Variants in CDK6 observed in about 807,000 individuals in gnomAD.
CDK6 encodes the protein cyclin dependent kinase 6.
A neutral mutation model predicts 37.1 loss-of-function variants in CDK6; 6 were observed. The ratio of observed to expected loss-of-function variants is 0.16; its 90% CI spans 0.09 to 0.32. CDK6 has a LOEUF of 0.32. CDK6 is among the 10% of genes least tolerant of loss of function. The probability of loss-of-function intolerance (pLI) is 1.00; values close to 1 mark genes in which losing one functional copy is unlikely to be tolerated. For missense variants in CDK6, 224 were observed against 418.9 expected, an observed-to-expected ratio of 0.53 and a Z score of 4.06; for synonymous variants, 160 against 161.3, an observed-to-expected ratio of 0.99 and a Z score of 0.06.
intron 1 of CDK6, among the ~76,000 whole-genome samples, chr7:92,836,032 G>A (rs1041953295): frequency 7.9e-5 from 12 of 152,172 alleles, no homozygotes; most frequent in Admixed American, 3.3e-4. Flanking sequence ...AGTTTTCGAG[G>A]GGGAAATGCA....
intron 2 of CDK6, among the ~76,000 whole-genome samples, chr7:92,817,389 A>G (rs1360446165): frequency 3.3e-5 from 5 of 151,956 alleles, no homozygotes; most frequent in African/African-American, 1.2e-4. Flanking sequence ...GCACAATAAC[A>G]GAGTTTTTAA....
At chr7:92,665,267 TCATCCATC>T (rs3831549) in intron 5 of CDK6, among the ~76,000 whole-genome samples, 78 of 150,824 alleles carry the variant, frequency 5.2e-4, no homozygotes, top group African/African-American at 1.1e-3. Context: ...AACCATCCAA[TCATCCATC>T]CATCCATCCA....
At chr7:92,627,096 T>C (rs868443920) in intron 5 of CDK6, among the ~76,000 whole-genome samples, 1 of 151,970 alleles carries the variant, frequency 6.6e-6, no homozygotes, top group African/African-American at 2.4e-5. Context: ...ATAAACAGAA[T>C]GTGGTATGGA....
At chr7:92,675,426 G>T (rs563612159) in intron 4 of CDK6, among the ~76,000 whole-genome samples, 1 of 152,224 alleles carries the variant, frequency 6.6e-6, no homozygotes, top group South Asian at 2.1e-4. Flanking sequence ...TACATTAACA[G>T]ATTTCCCAAT....
intron 2 of CDK6, among the ~76,000 whole-genome samples, chr7:92,823,516 A>G (rs1285188503): frequency 6.6e-6 from 1 of 151,460 alleles, no homozygotes; most frequent in Non-Finnish European, 1.5e-5. Context: ...GGGAACTTAC[A>G]TAATTTGAAT....
At chr7:92,813,596 A>T (rs372070840) in intron 2 of CDK6, among the ~76,000 whole-genome samples, 1 of 152,348 alleles carries the variant, frequency 6.6e-6, no homozygotes, top group East Asian at 1.9e-4. Context: ...ATAGCGATAG[A>T]ATTGTGTCCT....
intron 4 of CDK6, among the ~76,000 whole-genome samples, chr7:92,684,727 C>T (rs559142719): frequency 6.6e-6 from 1 of 152,222 alleles, no homozygotes; most frequent in South Asian, 2.1e-4. Flanking sequence ...AAAAAGGGTG[C>T]CTTCTTGTTT....
intron 4 of CDK6, among the ~76,000 whole-genome samples, chr7:92,677,047 G>A (rs986187460): frequency 6.6e-6 from 1 of 151,572 alleles, no homozygotes; most frequent in African/African-American, 2.4e-5. Context: ...CATTTAATAA[G>A]TTCAATGAAA....
At chr7:92,718,438 G>C (rs538198816) in intron 4 of CDK6, among the ~76,000 whole-genome samples, 2 of 152,324 alleles carry the variant, frequency 1.3e-5, no homozygotes, top group South Asian at 4.1e-4. Context: ...AACCCTGCCA[G>C]GTCTCCATAG....
At chr7:92,702,830 T>C (rs1000430727) in intron 4 of CDK6, among the ~76,000 whole-genome samples, 3 of 152,082 alleles carry the variant, frequency 2.0e-5, no homozygotes, top group African/African-American at 7.2e-5. Flanking sequence ...GGCATAACTA[T>C]GTTAAGGGGT....
chr7:92,815,772 C>G (rs2115959916), intron 2 of CDK6, among the ~76,000 whole-genome samples: 1 of 152,260 alleles, frequency 6.6e-6, no homozygotes, highest in African/African-American at 2.4e-5. Flanking sequence ...TACATGGGGT[C>G]TATTGAGTCC....
intron 4 of CDK6, among the ~76,000 whole-genome samples, chr7:92,689,815 T>A (rs1001405117): frequency 6.6e-6 from 1 of 152,196 alleles, no homozygotes; most frequent in African/African-American, 2.4e-5. Context: ...GACTTTTTAA[T>A]AATAGCAATC....
chr7:92,732,574 A>T (rs1273911119), intron 3 of CDK6, among the ~76,000 whole-genome samples: 1 of 152,064 alleles, frequency 6.6e-6, no homozygotes, highest in African/African-American at 2.4e-5. Flanking sequence ...CTGGTTTTCC[A>T]CAAGAGTAGA....
intron 5 of CDK6, among the ~76,000 whole-genome samples, chr7:92,635,534 A>G (rs1311220140): frequency 6.6e-6 from 1 of 152,256 alleles, no homozygotes; most frequent in African/African-American, 2.4e-5. Context: ...AAGCAGTTAA[A>G]ACTGCTGAGA....
intron 5 of CDK6, among the ~76,000 whole-genome samples, chr7:92,633,177 T>C (rs558139419): frequency 2.0e-5 from 3 of 152,048 alleles, no homozygotes; most frequent in East Asian, 3.9e-4. Flanking sequence ...GGAGCAGGAG[T>C]AATCTTTTCT....
chr7:92,672,614 T>G (rs1797116982), intron 4 of CDK6, among the ~76,000 whole-genome samples: 1 of 141,918 alleles, frequency 7.0e-6, no homozygotes, highest in African/African-American at 2.6e-5. Flanking sequence ...GGGGTTCAAG[T>G]GATTCCTTTT....
intron 2 of CDK6, among the ~76,000 whole-genome samples, chr7:92,793,852 G>C (rs1052366761): frequency 4.6e-5 from 7 of 152,070 alleles, no homozygotes; most frequent in Admixed American, 1.3e-4. Flanking sequence ...AAGGCCAGGG[G>C]TGTGGGGGTT....
intron 2 of CDK6, among the ~76,000 whole-genome samples, chr7:92,780,353 G>A (rs910932317): frequency 3.3e-5 from 5 of 152,190 alleles, no homozygotes; most frequent in African/African-American, 1.2e-4. Flanking sequence ...TTGGCTAGAG[G>A]TAAACAATCT....
chr7:92,813,997 T>C (rs1038471406), intron 2 of CDK6, among the ~76,000 whole-genome samples: 1 of 152,230 alleles, frequency 6.6e-6, no homozygotes, highest in African/African-American at 2.4e-5. Flanking sequence ...AATGATTCAT[T>C]TGCATGCAGA....
Sources: gnomAD v4.1 joint callset for allele counts (sites outside exome capture counted in the v4.1 genomes callset) on GRCh38, gnomAD v4.1.1 for gene constraint, MANE v1.5 for transcripts, NCBI Gene and HGNC (gene_info 2026-07-23, HGNC 2026-07-21) for gene names.